The following ADGRL3 variants were observed in gnomAD, a reference collection of about 807,000 sequenced individuals.
The protein encoded by ADGRL3 is calcium-independent alpha-latrotoxin receptor 3.
In ADGRL3, 62 loss-of-function variants were observed where a neutral mutation model predicts 153.5. The observed-to-expected ratio is 0.40, with a 90% CI of 0.33 to 0.50. ADGRL3 has a LOEUF of 0.50. Among genes scored for constraint, ADGRL3 ranks in the 20% least tolerant of loss-of-function variants. The probability of loss-of-function intolerance (pLI) is 0.47; values close to 1 mark genes in which losing one functional copy is unlikely to be tolerated. For missense variants in ADGRL3, 1,641 were observed against 1,859.4 expected (o/e 0.88, Z 2.16); for synonymous variants, 710 against 672.5 (o/e 1.06, Z -0.86).
intron 4 of ADGRL3, among the ~76,000 whole-genome samples, chr4:61,538,905 G>A (rs899570489): frequency 1.3e-5 from 2 of 152,156 alleles, no homozygotes; most frequent in South Asian, 4.1e-4. Context: ...GGGGTGGTAG[G>A]TGTGGGTGCA....
At chr4:61,894,693 C>A (rs977158933) in intron 10 of ADGRL3, among the ~76,000 whole-genome samples, 9 of 152,150 alleles carry the variant, frequency 5.9e-5, no homozygotes, top group African/African-American at 2.2e-4. Flanking sequence ...ACACCCCAGT[C>A]TCATTTTTAC....
At chr4:61,810,877 C>T (rs1045473775) in intron 8 of ADGRL3, among the ~76,000 whole-genome samples, 11 of 152,174 alleles carry the variant, frequency 7.2e-5, no homozygotes, top group African/African-American at 2.6e-4. Flanking sequence ...TCTTTCTATA[C>T]TCAGGGAGAT....
At position 61,641,757 on chromosome 4, in the gene ADGRL3, G is replaced by T. The variant is rs556771561; in HGVS notation, c.474-35069G>T. Reference sequence around the variant, plus strand: ...TGCCACAATAAACATACGTGTGCATGTGTCTTTATAGCAGCATGATTTATA... The same window carrying T: ...TGCCACAATAAACATACGTGTGCATTTGTCTTTATAGCAGCATGATTTATA... On this transcript the variant is annotated intron_variant, in intron 5 of 26. Coordinates refer to ENST00000683033, the MANE Select transcript of ADGRL3 (RefSeq NM_001387552.1). Among the ~76,000 whole-genome samples, 6 of 151,532 alleles carry T rather than the reference G, an allele frequency of 4.0e-5. No individual in the cohort carries two copies. The East Asian group carries it at 9.8e-4, about 25-fold the overall frequency.
At chr4:61,203,740 G>A (rs1735867134) in intron 1 of ADGRL3, among the ~76,000 whole-genome samples, 1 of 152,140 alleles carries the variant, frequency 6.6e-6, no homozygotes, top group Non-Finnish European at 1.5e-5. Flanking sequence ...TTTTCCATCT[G>A]TAATGATTCT....
At chr4:62,028,789 T>C in intron 21 of ADGRL3, 66 bp from the exon 22 acceptor site, 2 of 1,352,276 alleles carry the variant, frequency 1.5e-6, no homozygotes, top group South Asian at 1.3e-5. Context: ...ATATTTTTCA[T>C]ATGAAATTCT....
chr4:61,718,352 A>C (rs553157166), intron 6 of ADGRL3, among the ~76,000 whole-genome samples: 116 of 152,292 alleles, frequency 7.6e-4, no homozygotes, highest in Non-Finnish European at 1.4e-3. Flanking sequence ...ATAAATTGAA[A>C]ATACTTATTG....
chr4:61,577,923 T>C (rs1235582650), intron 4 of ADGRL3, among the ~76,000 whole-genome samples: 2 of 152,052 alleles, frequency 1.3e-5, no homozygotes, highest in Non-Finnish European at 2.9e-5. Flanking sequence ...TATACAAAGA[T>C]TCATATTAAC....
At chr4:61,610,909 A>G (rs1440859569) in intron 5 of ADGRL3, among the ~76,000 whole-genome samples, 1 of 152,172 alleles carries the variant, frequency 6.6e-6, no homozygotes, top group East Asian at 1.9e-4. Flanking sequence ...ATTTGATTAA[A>G]AAGTGACAAC....
chr4:61,361,722 C>G (rs2096284685), intron 1 of ADGRL3, among the ~76,000 whole-genome samples: 1 of 151,988 alleles, frequency 6.6e-6, no homozygotes, highest in African/African-American at 2.4e-5. Context: ...AAGCAATAAA[C>G]AGTAAGACTT....
chr4:61,244,196 G>C (rs1045029899), intron 1 of ADGRL3, among the ~76,000 whole-genome samples: 8 of 152,126 alleles, frequency 5.3e-5, no homozygotes, highest in Admixed American at 6.6e-5. Context: ...TATGATGAAA[G>C]GGGAGGGATT....
chr4:62,033,346 GA>G (rs1481144308), intron 23 of ADGRL3, among the ~76,000 whole-genome samples: 1 of 151,738 alleles, frequency 6.6e-6, no homozygotes, highest in African/African-American at 2.4e-5. Flanking sequence ...TTTTTAGTCA[GA>G]AAGAGAAGAA....
intron 1 of ADGRL3, among the ~76,000 whole-genome samples, chr4:61,252,222 T>C (rs1338100952): frequency 2.0e-5 from 3 of 152,168 alleles, no homozygotes; most frequent in African/African-American, 7.2e-5. Flanking sequence ...ATTTTAAAAA[T>C]GTCTAGATCA....
chr4:61,715,233 A>G (rs1222283305), intron 6 of ADGRL3, among the ~76,000 whole-genome samples: 1 of 152,210 alleles, frequency 6.6e-6, no homozygotes, highest in Non-Finnish European at 1.5e-5. Flanking sequence ...GTTCTGGTTA[A>G]CACTGTAATT....
chr4:61,675,183 T>C (rs7657344), intron 5 of ADGRL3, among the ~76,000 whole-genome samples: 4,367 of 152,002 alleles, frequency 0.029, 216 homozygotes, highest in African/African-American at 0.1. Flanking sequence ...ATTTTTACAC[T>C]AAATCAAAGT....
intron 8 of ADGRL3, among the ~76,000 whole-genome samples, chr4:61,746,924 T>C (rs562165397): frequency 7.0e-4 from 106 of 152,156 alleles, no homozygotes; most frequent in Middle Eastern, 6.8e-3. Flanking sequence ...CAGGAGCTGG[T>C]TTTTTGAAAG....
At chr4:61,450,211 A>G (rs1456874) in intron 2 of ADGRL3, among the ~76,000 whole-genome samples, 102,102 of 152,028 alleles carry the variant, frequency 0.67, 36,140 homozygotes, top group East Asian at 0.93. Flanking sequence ...ACTTCCTTTA[A>G]TTGTTTAATC....
At chr4:61,891,901 A>T (rs887626648) in intron 9 of ADGRL3, among the ~76,000 whole-genome samples, 1 of 152,190 alleles carries the variant, frequency 6.6e-6, no homozygotes, top group Non-Finnish European at 1.5e-5. Context: ...CCTTGGAAAC[A>T]TAGGTTCAAT....
intron 2 of ADGRL3, among the ~76,000 whole-genome samples, chr4:61,431,510 C>A (rs2097355567): frequency 6.6e-6 from 1 of 152,116 alleles, no homozygotes; most frequent in South Asian, 2.1e-4. Context: ...CAACAAGTTC[C>A]CTTGAGATTA....
intron 5 of ADGRL3, among the ~76,000 whole-genome samples, chr4:61,590,383 A>T (rs974720778): frequency 2.0e-5 from 3 of 151,920 alleles, no homozygotes; most frequent in African/African-American, 7.2e-5. Context: ...GAGTTTTTTA[A>T]AAAAAATATT....
Sources: gnomAD v4.1 joint callset for allele counts (sites outside exome capture counted in the v4.1 genomes callset) on GRCh38, gnomAD v4.1.1 for gene constraint, MANE v1.5 for transcripts, NCBI Gene and HGNC (gene_info 2026-07-23, HGNC 2026-07-21) for gene names.